The following COL23A1 variants were observed in gnomAD, a reference collection of about 807,000 sequenced individuals.
COL23A1 encodes the protein collagen alpha-1(XXIII) chain.
A neutral mutation model predicts 99.3 loss-of-function variants in COL23A1; 97 were observed. That is an observed-to-expected ratio of 0.98 (90% confidence interval 0.83 to 1.16). COL23A1 has a LOEUF of 1.16. Ranked by LOEUF, COL23A1 falls within the 50% of genes most tolerant of loss-of-function variation. The probability of loss-of-function intolerance (pLI) is 0.00; values close to 1 mark genes in which losing one functional copy is unlikely to be tolerated. For missense variants in COL23A1, 762 were observed against 757.4 expected (o/e 1.01, Z -0.07); for synonymous variants, 320 against 308.2 (o/e 1.04, Z -0.40).
intron 2 of COL23A1, among the ~76,000 whole-genome samples, chr5:178,470,855 G>A (rs1225390533): frequency 6.6e-6 from 1 of 152,246 alleles, no homozygotes; most frequent in African/African-American, 2.4e-5. Flanking sequence ...CTGCGCTGGA[G>A]AAGCCTGTGT....
chr5:178,277,381 CAAAG>C (rs1380012391), intron 5 of COL23A1, among the ~76,000 whole-genome samples: 6 of 152,206 alleles, frequency 3.9e-5, no homozygotes, highest in Non-Finnish European at 7.3e-5. Context: ...AACAAAAAAA[CAAAG>C]AACCCCAAAC....
chr5:178,492,418 C>T (rs1185720731), intron 2 of COL23A1, among the ~76,000 whole-genome samples: 2 of 152,196 alleles, frequency 1.3e-5, no homozygotes, highest in African/African-American at 2.4e-5. Context: ...GGAAGGCAGC[C>T]GTCTACGAGC....
At chr5:178,457,641 T>C (rs993259124) in intron 2 of COL23A1, among the ~76,000 whole-genome samples, 12 of 152,178 alleles carry the variant, frequency 7.9e-5, no homozygotes, top group African/African-American at 2.7e-4. Context: ...CAAAAAGAAG[T>C]GCCCAAACAA....
Position 178,468,043 on chromosome 5 carries a change from C to T in COL23A1, c.361+92639G>A, listed in dbSNP as rs918687960. Among the ~76,000 whole-genome samples the T allele has an allele frequency of 1.2e-4, 18 of 152,284 alleles. No individual in the cohort carries two copies. Among genetic ancestry groups the T allele is most frequent in the African/African-American group, 3.6e-4 (15 of 41,558 alleles). ...CGGACAGGCGTATTTAATATCCCACCCACGCATCACCTAACAGCCTCTGGG... is the reference window on the plus strand; with the variant it reads ...CGGACAGGCGTATTTAATATCCCACTCACGCATCACCTAACAGCCTCTGGG... On this transcript the variant is annotated intron_variant, in intron 2 of 28. Coordinates refer to ENST00000390654, the MANE Select transcript of COL23A1 (RefSeq NM_173465.4). The surrounding 1 kb of genome is among the most constrained non-coding windows in gnomAD (Gnocchi z 4.2).
At chr5:178,501,300 A>G (rs898265411) in intron 2 of COL23A1, among the ~76,000 whole-genome samples, 1 of 152,162 alleles carries the variant, frequency 6.6e-6, no homozygotes, top group African/African-American at 2.4e-5. Flanking sequence ...AAGCCCCAAC[A>G]GGCCGGGCAC....
intron 2 of COL23A1, among the ~76,000 whole-genome samples, chr5:178,480,380 C>T (rs1183629364): frequency 2.0e-5 from 3 of 152,134 alleles, no homozygotes; most frequent in Non-Finnish European, 2.9e-5. Flanking sequence ...AGTTTCCCTC[C>T]GCAGGAGCCA....
intron 2 of COL23A1, among the ~76,000 whole-genome samples, chr5:178,355,099 T>A (rs1761563253): frequency 6.6e-6 from 1 of 151,760 alleles, no homozygotes; most frequent in African/African-American, 2.4e-5. Context: ...GAATAGTAAC[T>A]GTTTACATAG....
In COL23A1 at chr5:178,313,106, G is replaced by A. The variant is rs571358384; in HGVS notation, c.362-6187C>T. Among the ~76,000 whole-genome samples, 51 of 152,304 alleles carry A rather than the reference G, an allele frequency of 3.3e-4. No individual in the cohort carries two copies. The South Asian group carries it at 3.9e-3, about 12-fold the overall frequency. On this transcript the variant is annotated intron_variant, in intron 2 of 28. Transcript: ENST00000390654. The surrounding 1 kb of genome is among the most constrained non-coding windows in gnomAD (Gnocchi z 4.2). ...AAGCCAGACACAGAAAGACAAATAC[G>A]GAAGGATTCCACTTCTGGAGGCTCC...
At chr5:178,337,869 A>G (rs1026793225) in intron 2 of COL23A1, among the ~76,000 whole-genome samples, 4 of 152,228 alleles carry the variant, frequency 2.6e-5, no homozygotes, top group Non-Finnish European at 5.9e-5. Flanking sequence ...TTATGATATT[A>G]TACAATCTAT....
At chr5:178,362,783 A>G (rs1762241439) in intron 2 of COL23A1, among the ~76,000 whole-genome samples, 1 of 152,136 alleles carries the variant, frequency 6.6e-6, no homozygotes, top group Non-Finnish European at 1.5e-5. Flanking sequence ...GCACAGAGGA[A>G]AGCATCCCAA....
chr5:178,375,412 C>T (rs891754474), intron 2 of COL23A1, among the ~76,000 whole-genome samples: 18 of 152,206 alleles, frequency 1.2e-4, no homozygotes, highest in African/African-American at 2.4e-5. Flanking sequence ...TCCTGTCTTC[C>T]GCATGGCAGC....
intron 12 of COL23A1, among the ~76,000 whole-genome samples, chr5:178,258,236 A>AATATAT (rs70994992): frequency 0.012 from 878 of 71,878 alleles, 37 homozygotes; most frequent in African/African-American, 0.036. Flanking sequence ...CCTGTCTTAA[A>AATATAT]ATATATATAT....
intron 1 of COL23A1, among the ~76,000 whole-genome samples, chr5:178,565,603 T>A (rs1295445076): frequency 6.6e-6 from 1 of 152,136 alleles, no homozygotes; most frequent in African/African-American, 2.4e-5. Context: ...CTGGATTACA[T>A]ATTATGGGCC....
At chr5:178,502,285 C>A (rs534997409) in intron 2 of COL23A1, among the ~76,000 whole-genome samples, 1 of 152,164 alleles carries the variant, frequency 6.6e-6, no homozygotes, top group African/African-American at 2.4e-5. Flanking sequence ...GCGCCCGCCA[C>A]CACGCCCGGC....
intron 2 of COL23A1, among the ~76,000 whole-genome samples, chr5:178,504,583 G>A (rs1482887684): frequency 6.6e-6 from 1 of 152,224 alleles, no homozygotes; most frequent in Non-Finnish European, 1.5e-5. Context: ...CTGCTGCGAT[G>A]TGGACTGGAA....
chr5:178,265,730 G>C, intron 8 of COL23A1: 2 of 985,502 alleles, frequency 2.0e-6, no homozygotes, highest in Non-Finnish European at 2.4e-6. Flanking sequence ...AAACCATCTA[G>C]TCAGCAGATA....
At chr5:178,275,030 G>A (rs1281964438) in intron 5 of COL23A1, among the ~76,000 whole-genome samples, 2 of 152,218 alleles carry the variant, frequency 1.3e-5, no homozygotes, top group Non-Finnish European at 2.9e-5. Flanking sequence ...CTGCACATGA[G>A]CAGCAGGCCA....
At chr5:178,401,803 T>C (rs1404025588) in intron 2 of COL23A1, among the ~76,000 whole-genome samples, 1 of 152,202 alleles carries the variant, frequency 6.6e-6, no homozygotes, top group East Asian at 1.9e-4. Flanking sequence ...ACACTTGGTA[T>C]TGCTAATTGC....
intron 2 of COL23A1, among the ~76,000 whole-genome samples, chr5:178,430,915 C>A (rs561416023): frequency 2.1e-4 from 32 of 152,134 alleles, no homozygotes; most frequent in African/African-American, 7.2e-4. Context: ...TCACGTGATG[C>A]CCTGGGTGAG....
Sources: gnomAD v4.1 joint callset for allele counts (sites outside exome capture counted in the v4.1 genomes callset) on GRCh38, gnomAD v4.1.1 for gene constraint, Gnocchi (gnomAD v3.1) non-coding constraint, MANE v1.5 for transcripts, NCBI Gene and HGNC (gene_info 2026-07-23, HGNC 2026-07-21) for gene names.